Variants in WDPCP observed in about 807,000 individuals in gnomAD.
The protein encoded by WDPCP is WD repeat-containing and planar cell polarity effector protein fritz homolog.
A neutral mutation model predicts 93.1 loss-of-function variants in WDPCP; 71 were observed. The ratio of observed to expected loss-of-function variants is 0.76; its 90% CI spans 0.63 to 0.93. The LOEUF is 0.93. Ranked by LOEUF, WDPCP falls within the 40% of genes least tolerant of loss-of-function variation. The probability of loss-of-function intolerance (pLI) is 0.00; values close to 1 mark genes in which losing one functional copy is unlikely to be tolerated. For synonymous variants in WDPCP, 315 were observed against 315.0 expected (o/e 1.00, Z 0.00); for missense variants, 844 against 887.4 (o/e 0.95, Z 0.62).
chr2:63,141,173 G>A (rs1450117029), intron 17 of WDPCP, among the ~76,000 whole-genome samples: 2 of 152,038 alleles, frequency 1.3e-5, no homozygotes, highest in Admixed American at 6.6e-5. Context: ...CCGCCTCCTG[G>A]GTTCAAGCGA....
At chr2:63,258,548 A>T (rs1267548342) in intron 14 of WDPCP, among the ~76,000 whole-genome samples, 1 of 152,220 alleles carries the variant, frequency 6.6e-6, no homozygotes, top group Non-Finnish European at 1.5e-5. Context: ...TAAAAGTGGA[A>T]ATCTTTTTAA....
intron 3 of WDPCP, among the ~76,000 whole-genome samples, chr2:63,614,646 G>A (rs1412773444): frequency 2.0e-5 from 3 of 152,098 alleles, no homozygotes; most frequent in African/African-American, 4.8e-5. Context: ...TCTTCCCCAA[G>A]GTGACTCATA....
chr2:63,779,889 A>G (rs1164691293), intron 2 of WDPCP, among the ~76,000 whole-genome samples: 1 of 152,322 alleles, frequency 6.6e-6, no homozygotes, highest in East Asian at 1.9e-4. Context: ...CATAAGATCT[A>G]AATTATACTT....
chr2:63,198,966 A>T (rs931964666), intron 14 of WDPCP, among the ~76,000 whole-genome samples: 2 of 152,146 alleles, frequency 1.3e-5, no homozygotes, highest in African/African-American at 4.8e-5. Context: ...GGAGATGGAA[A>T]CTTACTGGGA....
intron 3 of WDPCP, among the ~76,000 whole-genome samples, chr2:63,621,877 C>CT (rs35631693): frequency 3.5e-4 from 52 of 149,118 alleles, no homozygotes; most frequent in African/African-American, 4.9e-4. Context: ...ATTCAACATT[C>CT]TTTTTTTTTT....
chr2:63,704,731 TTCA>T (rs1186912519), intron 2 of WDPCP, among the ~76,000 whole-genome samples: 5 of 152,248 alleles, frequency 3.3e-5, no homozygotes, highest in Non-Finnish European at 7.3e-5. Context: ...TGCATCGATG[TTCA>T]TCAAGGATAT....
intron 2 of WDPCP, among the ~76,000 whole-genome samples, chr2:63,791,556 T>C (rs1458790852): frequency 1.3e-5 from 2 of 152,174 alleles, no homozygotes; most frequent in Non-Finnish European, 2.9e-5. Flanking sequence ...TTGCTTATCT[T>C]AGAGCACTGC....
Position 63,557,643 on chromosome 2 carries a change from T to C in WDPCP, c.75+30554A>G, listed in dbSNP as rs150338941. On this transcript the variant is annotated intron_variant, in intron 1 of 17. Coordinates refer to ENST00000272321, the MANE Select transcript of WDPCP (RefSeq NM_015910.7). ...GACTTGAGCTCAGCTCTGGATCAAG[T>C]AGACTTGACAGACATCTATAGAACA... Among the ~76,000 whole-genome samples, 727 of 152,058 alleles carry C rather than the reference T, an allele frequency of 4.8e-3. 4 individuals carry two copies. Among genetic ancestry groups the C allele is most frequent in the Non-Finnish European group, 3.9e-3 (262 of 67,976 alleles).
intron 12 of WDPCP, among the ~76,000 whole-genome samples, chr2:63,324,442 G>A (rs1687369422): frequency 6.6e-6 from 1 of 152,122 alleles, no homozygotes; most frequent in Admixed American, 6.6e-5. Flanking sequence ...AGGGGAAGGG[G>A]AATTTGGCCC....
chr2:63,357,786 A>G (rs530408748), intron 12 of WDPCP, among the ~76,000 whole-genome samples: 4 of 152,272 alleles, frequency 2.6e-5, no homozygotes, highest in African/African-American at 7.2e-5. Context: ...AAGTCATTCT[A>G]CCATAAAGAC....
intron 2 of WDPCP, among the ~76,000 whole-genome samples, chr2:63,778,165 GT>G (rs1670331946): frequency 6.6e-6 from 1 of 152,104 alleles, no homozygotes; most frequent in Non-Finnish European, 1.5e-5. Flanking sequence ...TAGACATGGT[GT>G]TTTCTCTGGC....
rs576806256 is a variant in WDPCP at position 63,551,527 on chromosome 2, C to T, written c.75+36670G>A. Among the ~76,000 whole-genome samples, 8 of 152,310 alleles carry T rather than the reference C, an allele frequency of 5.3e-5. No individual in the cohort carries two copies. The South Asian group carries it at 1.7e-3, about 32-fold the overall frequency. On this transcript the variant is annotated intron_variant, in intron 1 of 17. Coordinates refer to ENST00000272321, the MANE Select transcript of WDPCP (RefSeq NM_015910.7). ...CACCATGATTGAAAGCTTCCTGAGG[C>T]CTCACCAGGAGCAGATGCCAGCACC...
At chr2:63,671,864 C>A (rs968434774) in intron 2 of WDPCP, among the ~76,000 whole-genome samples, 1 of 152,186 alleles carries the variant, frequency 6.6e-6, no homozygotes, top group Non-Finnish European at 1.5e-5. Flanking sequence ...CTAACAGACC[C>A]TTACCATGCT....
At position 63,149,647 on chromosome 2, in the gene WDPCP, G is replaced by A. The variant is rs1263207529; in HGVS notation, c.2190+3267C>T. Among the ~76,000 whole-genome samples, 4 of 152,282 alleles carry A rather than the reference G, an allele frequency of 2.6e-5. No homozygotes were observed. In the South Asian group the frequency reaches 8.3e-4, roughly 32 times the overall value. On this transcript the variant is annotated intron_variant, in intron 17 of 17. Coordinates refer to ENST00000272321, the MANE Select transcript of WDPCP (RefSeq NM_015910.7). ...TGTATTCAGTCGGTGAAATACTATA[G>A]GCAGTGAAAATGAACATACCTACAT...
At chr2:63,599,370 T>G in intron 3 of WDPCP, 1 of 1,455,630 alleles carries the variant, frequency 6.9e-7, no homozygotes, top group East Asian at 2.5e-5. Context: ...TAACTGAATC[T>G]GAGTTTGTGC....
At chr2:63,463,093 A>T (rs1402549750) in intron 6 of WDPCP, among the ~76,000 whole-genome samples, 1 of 151,984 alleles carries the variant, frequency 6.6e-6, no homozygotes, top group Non-Finnish European at 1.5e-5. Flanking sequence ...CAACATTCAA[A>T]GACGGGGGAA....
intron 9 of WDPCP, among the ~76,000 whole-genome samples, chr2:63,430,602 G>T: frequency 6.6e-6 from 1 of 151,962 alleles, no homozygotes; most frequent in Non-Finnish European, 1.5e-5. Context: ...TGGACTGTTG[G>T]GCTGGGCGTG....
chr2:63,744,012 A>T (rs1669760647), intron 2 of WDPCP, among the ~76,000 whole-genome samples: 1 of 152,130 alleles, frequency 6.6e-6, no homozygotes, highest in Admixed American at 6.6e-5. Flanking sequence ...TGATTTTTCT[A>T]ATCTGTCATA....
chr2:63,632,787 C>A (rs1709877884), intron 3 of WDPCP, among the ~76,000 whole-genome samples: 1 of 151,982 alleles, frequency 6.6e-6, no homozygotes, highest in African/African-American at 2.4e-5. Flanking sequence ...AGAGAGAGAG[C>A]AAAGCATGCA....
Sources: allele counts gnomAD v4.1 joint callset (sites outside exome capture counted in the v4.1 genomes callset), GRCh38; gene constraint gnomAD v4.1.1; transcripts MANE v1.5; gene names NCBI Gene and HGNC (gene_info 2026-07-23, HGNC 2026-07-21).